The following KCND2 variants were observed in gnomAD, a reference collection of about 807,000 sequenced individuals.
The protein encoded by KCND2 is potassium voltage-gated channel subfamily D member 2, also known as A-type voltage-gated potassium channel KCND2.
A neutral mutation model predicts 54.4 loss-of-function variants in KCND2; 16 were observed. The ratio of observed to expected loss-of-function variants is 0.29; its 90% confidence interval spans 0.20 to 0.45. KCND2 has a LOEUF of 0.45. Among genes scored for constraint, KCND2 ranks in the 20% least tolerant of loss-of-function variants. KCND2 has a pLI of 1.00. For synonymous variants in KCND2, 317 were observed against 310.7 expected (o/e 1.02, Z -0.21); for missense variants, 486 against 824.2 (o/e 0.59, Z 5.02).
chr7:120,621,276 C>CAAAAAAAAAAAAAAAAAAAAAAAAAAAA (rs1175736454), intron 1 of KCND2, among the ~76,000 whole-genome samples: 5 of 47,192 alleles, frequency 1.1e-4, no homozygotes, highest in African/African-American at 2.8e-4. Flanking sequence ...GACTCCGTCT[C>CAAAAAAAAAAAAAAAAAAAAAAAAAAAA]AAAAAAAAAA....
At chr7:120,717,956 G>A (rs1792623199) in intron 1 of KCND2, among the ~76,000 whole-genome samples, 1 of 152,070 alleles carries the variant, frequency 6.6e-6, no homozygotes, top group South Asian at 2.1e-4. Context: ...AGTGTTTGGA[G>A]CATAATACCT....
chr7:120,358,548 G>GTGTTTTT (rs1800541742), intron 1 of KCND2, among the ~76,000 whole-genome samples: 1 of 151,882 alleles, frequency 6.6e-6, no homozygotes, highest in Non-Finnish European at 1.5e-5. Flanking sequence ...CTCCTGACAT[G>GTGTTTTT]AATCTTGTGT....
intron 1 of KCND2, among the ~76,000 whole-genome samples, chr7:120,583,775 T>C (rs950032620): frequency 4.4e-5 from 3 of 68,258 alleles, no homozygotes; most frequent in African/African-American, 1.1e-4. Context: ...GAATTCAGCA[T>C]AGGAATTGTG....
intron 1 of KCND2, among the ~76,000 whole-genome samples, chr7:120,714,929 G>A (rs1482102969): frequency 1.3e-5 from 2 of 151,976 alleles, no homozygotes; most frequent in African/African-American, 2.4e-5. Flanking sequence ...AGAATAACTT[G>A]TTGAAATACT....
intron 1 of KCND2, among the ~76,000 whole-genome samples, chr7:120,495,736 C>T (rs183449092): frequency 1.3e-5 from 2 of 152,218 alleles, no homozygotes; most frequent in East Asian, 3.9e-4. Flanking sequence ...AAGGTGAAGA[C>T]AACAGTTCAA....
At chr7:120,498,869 C>T (rs1004355688) in intron 1 of KCND2, among the ~76,000 whole-genome samples, 4 of 151,984 alleles carry the variant, frequency 2.6e-5, no homozygotes, top group African/African-American at 4.8e-5. Context: ...AAATGTTGTC[C>T]GTGAGAATTA....
At chr7:120,408,321 G>T (rs1801393199) in intron 1 of KCND2, among the ~76,000 whole-genome samples, 2 of 151,826 alleles carry the variant, frequency 1.3e-5, no homozygotes, top group African/African-American at 4.8e-5. Context: ...TCAAGTTTGA[G>T]GTCCTAATGG....
intron 5 of KCND2, among the ~76,000 whole-genome samples, chr7:120,747,139 C>T (rs1793017233): frequency 6.6e-6 from 1 of 152,044 alleles, no homozygotes; most frequent in Admixed American, 6.6e-5. Context: ...ATAGAGTATA[C>T]AATTCATCCA....
chr7:120,658,526 TC>T (rs1791829876), intron 1 of KCND2, among the ~76,000 whole-genome samples: 1 of 152,182 alleles, frequency 6.6e-6, no homozygotes, highest in South Asian at 2.1e-4. Flanking sequence ...TCAATATTAT[TC>T]TCCCTTCATT....
chr7:120,455,742 C>A (rs1268059484), intron 1 of KCND2, among the ~76,000 whole-genome samples: 2 of 152,038 alleles, frequency 1.3e-5, no homozygotes, highest in Admixed American at 6.6e-5. Context: ...AACAGAAGAC[C>A]AAATACTTCA....
chr7:120,707,683 A>G (rs141987129), intron 1 of KCND2, among the ~76,000 whole-genome samples: 4 of 152,218 alleles, frequency 2.6e-5, no homozygotes, highest in Admixed American at 6.6e-5. Flanking sequence ...GTTGGGGTGC[A>G]TGACAGATTA....
chr7:120,535,160 C>T (rs776897818), intron 1 of KCND2, among the ~76,000 whole-genome samples: 3 of 152,052 alleles, frequency 2.0e-5, no homozygotes, highest in Non-Finnish European at 2.9e-5. Flanking sequence ...CATTCTGCTA[C>T]GGTTAAAGCA....
In KCND2 at chr7:120,745,906, C is replaced by T. The variant is rs1411568642; in HGVS notation, c.1594C>T (p.Arg532Ter). 6.2e-7 allele frequency: 1 copy of T among 1,613,860 alleles called. No individual in the cohort carries two copies. The highest frequency in any genetic ancestry group is 1.7e-5 in the Admixed American group (1 of 59,990). The stretch of plus-strand genomic sequence containing the variant: ...AGGAGTCACCAGCACCTGCTGTTCA[C>T]GACGACACAAAAAAACTTTTCGCAT... ...QQGVTSTCCSRRHKKTFRIPN... is the reference protein window; with the variant it reads ...QQGVTSTCCS The change falls in exon 5 of 6, where the codon CGA becomes TGA. Residue 532 changes from arginine to a stop codon, truncating the protein, a stop_gained. Transcript: ENST00000331113. LOFTEE classifies it high-confidence loss of function.
intron 1 of KCND2, among the ~76,000 whole-genome samples, chr7:120,470,507 C>T (rs2116259163): frequency 6.6e-6 from 1 of 152,066 alleles, no homozygotes; most frequent in South Asian, 2.1e-4. Context: ...ATCATTTTTC[C>T]TAATTTAACC....
chr7:120,652,366 G>A (rs74606074), intron 1 of KCND2, among the ~76,000 whole-genome samples: 224 of 152,188 alleles, frequency 1.5e-3, no homozygotes, highest in Non-Finnish European at 2.4e-3. Flanking sequence ...GAGCAACTGC[G>A]CCTGGCCAGT....
intron 1 of KCND2, among the ~76,000 whole-genome samples, chr7:120,375,133 C>T (rs1167824295): frequency 1.5e-5 from 2 of 135,080 alleles, no homozygotes; most frequent in Non-Finnish European, 3.0e-5. Context: ...TTGTTGTTGT[C>T]ATTTGATAAA....
At chr7:120,446,375 A>C (rs562216405) in intron 1 of KCND2, among the ~76,000 whole-genome samples, 14 of 152,184 alleles carry the variant, frequency 9.2e-5, no homozygotes, top group Non-Finnish European at 1.9e-4. Flanking sequence ...ATCCTTAACA[A>C]ATAATTATTA....
chr7:120,297,634 G>C (rs887170161), intron 1 of KCND2, among the ~76,000 whole-genome samples: 1 of 151,966 alleles, frequency 6.6e-6, no homozygotes, highest in Non-Finnish European at 1.5e-5. Context: ...TAATTTCTCT[G>C]CATCATTATT....
At chr7:120,722,343 T>C (rs1792678142) in intron 1 of KCND2, among the ~76,000 whole-genome samples, 1 of 152,112 alleles carries the variant, frequency 6.6e-6, no homozygotes, top group Non-Finnish European at 1.5e-5. Flanking sequence ...CATCAGATCA[T>C]GTCAAGTATT....
Sources: gnomAD v4.1 joint callset for allele counts (sites outside exome capture counted in the v4.1 genomes callset) on GRCh38, gnomAD v4.1.1 for gene constraint, MANE v1.5 for transcripts, NCBI Gene and HGNC (gene_info 2026-07-23, HGNC 2026-07-21) for gene names.